The following ADAMTS6 variants were observed in gnomAD, a reference collection of about 807,000 sequenced individuals.
ADAMTS6 encodes A disintegrin and metalloproteinase with thrombospondin motifs 6.
ADAMTS6 carries 23 observed loss-of-function variants against 144.3 expected under a neutral mutation model. That is an observed-to-expected ratio of 0.16 (90% CI 0.11 to 0.23). ADAMTS6 has a LOEUF of 0.23. ADAMTS6 is among the 10% of genes least tolerant of loss of function. The pLI, the probability that ADAMTS6 is intolerant of heterozygous loss-of-function variation, is 1.00. For missense variants in ADAMTS6, 999 were observed against 1,379.6 expected (o/e 0.72, Z 4.37); for synonymous variants, 444 against 457.5 (o/e 0.97, Z 0.38).
intron 20 of ADAMTS6, chr5:65,210,008 C>A (rs540421628): frequency 9.9e-6 from 2 of 202,308 alleles, no homozygotes; most frequent in South Asian, 8.9e-5. Context: ...TGCTTATGCC[C>A]ATATGTAAGG....
chr5:65,409,444 T>C (rs1240819959), intron 7 of ADAMTS6, among the ~76,000 whole-genome samples: 5 of 152,032 alleles, frequency 3.3e-5, no homozygotes, highest in Non-Finnish European at 5.9e-5. Flanking sequence ...CAAGACTAAA[T>C]CAGGAAGAAG....
At chr5:65,172,780 T>G in intron 23 of ADAMTS6, 52 bp downstream of exon 23, 1 of 1,576,380 alleles carries the variant, frequency 6.3e-7, no homozygotes, top group South Asian at 1.2e-5. Context: ...GAACCTCAGG[T>G]TTGTGTCTCA....
chr5:65,193,177 G>A (rs892478928), intron 21 of ADAMTS6, among the ~76,000 whole-genome samples: 5 of 151,796 alleles, frequency 3.3e-5, no homozygotes, highest in African/African-American at 1.2e-4. Flanking sequence ...TCTAAACAGT[G>A]TACCAATGAA....
chr5:65,397,943 C>T (rs1284034632), intron 7 of ADAMTS6, among the ~76,000 whole-genome samples: 1 of 147,810 alleles, frequency 6.8e-6, no homozygotes, highest in African/African-American at 2.5e-5. Context: ...TTCCAGTTAT[C>T]TTGCTGTGAT....
chr5:65,341,323 C>A (rs1467604814), intron 7 of ADAMTS6, among the ~76,000 whole-genome samples: 1 of 151,594 alleles, frequency 6.6e-6, no homozygotes, highest in Admixed American at 6.6e-5. Flanking sequence ...AAAACCCAAA[C>A]CCCAAATTTG....
intron 20 of ADAMTS6, among the ~76,000 whole-genome samples, chr5:65,207,346 G>C (rs1186628056): frequency 6.6e-6 from 1 of 152,090 alleles, no homozygotes; most frequent in Admixed American, 6.5e-5. Context: ...TGTATATTTA[G>C]AGCATAAATA....
At position 65,481,587 on chromosome 5, in the gene ADAMTS6, C is replaced by T. The variant is rs1289903050; in HGVS notation, c.-524G>A. ...GGCAGAATAAGAGATGCCTTCAATA[C>T]ATCTAGGCTATCACTCTGAGATGCT... On this transcript the variant is annotated 5_prime_UTR_variant, in exon 1 of 25. It removes an upstream start codon present in the reference 5' UTR. Coordinates refer to ENST00000381055, the MANE Select transcript of ADAMTS6 (RefSeq NM_197941.4). 1.3e-5 allele frequency: 2 copies of T among 151,992 alleles called. No individual in the cohort carries two copies. Among genetic ancestry groups the T allele is most frequent in the East Asian group, 3.9e-4 (2 of 5,172 alleles). The allele number at this position is 151,992 out of a possible 1,614,324, so 9.4% of individuals were successfully genotyped here.
At chr5:65,251,911 CCCTTT>C (rs780580561) in intron 14 of ADAMTS6, 7 of 152,154 alleles carry the variant, frequency 4.6e-5, no homozygotes, top group Non-Finnish European at 1.0e-4. Context: ...CAACCCTGTT[CCCTTT>C]CCACCAAAGA....
intron 24 of ADAMTS6, among the ~76,000 whole-genome samples, chr5:65,154,390 C>A (rs1458216263): frequency 6.6e-6 from 1 of 152,186 alleles, no homozygotes; most frequent in Non-Finnish European, 1.5e-5. Flanking sequence ...CCTTTCTGAA[C>A]TTCCCAATAC....
At chr5:65,226,353 T>C in intron 15 of ADAMTS6, 134 bp from the exon 16 acceptor site, 1 of 876,226 alleles carries the variant, frequency 1.1e-6, no homozygotes, top group Non-Finnish European at 1.6e-6. Context: ...GTAGGTTTCT[T>C]TCCCCCTTTT....
intron 7 of ADAMTS6, among the ~76,000 whole-genome samples, chr5:65,342,795 T>C (rs538735679): frequency 2.0e-5 from 3 of 152,162 alleles, no homozygotes; most frequent in East Asian, 1.9e-4. Flanking sequence ...ATCTTATATA[T>C]AGAAAACTTA....
At chr5:65,159,120 G>A (rs779958451) in intron 24 of ADAMTS6, among the ~76,000 whole-genome samples, 9 of 151,944 alleles carry the variant, frequency 5.9e-5, no homozygotes, top group Non-Finnish European at 1.3e-4. Context: ...TGTTCATCAG[G>A]CTCTTTTTAT....
At chr5:65,174,963 C>T (rs1048536245) in intron 22 of ADAMTS6, among the ~76,000 whole-genome samples, 1 of 152,122 alleles carries the variant, frequency 6.6e-6, no homozygotes, top group Non-Finnish European at 1.5e-5. Flanking sequence ...GTGAAATAGA[C>T]TGGCCAGCAT....
rs10940017 is a variant in ADAMTS6 at position 65,179,448 on chromosome 5, C to A, written c.2911-6440G>T. Among the ~76,000 whole-genome samples, 33 of 151,800 alleles carry A rather than the reference C, an allele frequency of 2.2e-4. No homozygotes were observed. In the East Asian group the frequency reaches 2.9e-3, roughly 13 times the overall value. ...TAAATGATACAAGTAAGGTGTTAGC[C>A]AAAACAAAAGAAAAAGGGGTGCCCA... On this transcript the variant is annotated intron_variant, in intron 22 of 24. Transcript: ENST00000381055.
At chr5:65,444,295 G>C (rs982376719) in intron 7 of ADAMTS6, among the ~76,000 whole-genome samples, 4 of 152,166 alleles carry the variant, frequency 2.6e-5, no homozygotes, top group African/African-American at 9.7e-5. Flanking sequence ...GGGAGGCGGA[G>C]GCAGGAGAAT....
chr5:65,432,581 T>G (rs1001653528), intron 7 of ADAMTS6, among the ~76,000 whole-genome samples: 7 of 152,088 alleles, frequency 4.6e-5, no homozygotes, highest in Admixed American at 3.9e-4. Flanking sequence ...TTTTCGAATC[T>G]GATCATGTCA....
chr5:65,342,219 C>T (rs1417309756), intron 7 of ADAMTS6, among the ~76,000 whole-genome samples: 1 of 151,986 alleles, frequency 6.6e-6, no homozygotes, highest in Non-Finnish European at 1.5e-5. Context: ...CACAGACATA[C>T]CCTAGACTGG....
At chr5:65,216,471 T>TG (rs1248789895) in intron 18 of ADAMTS6, among the ~76,000 whole-genome samples, 2 of 151,996 alleles carry the variant, frequency 1.3e-5, no homozygotes, top group East Asian at 3.9e-4. Context: ...TGGATATGGG[T>TG]TTTTTTCTGG....
intron 10 of ADAMTS6, among the ~76,000 whole-genome samples, chr5:65,295,471 G>C (rs1425338007): frequency 6.6e-6 from 1 of 151,914 alleles, no homozygotes; most frequent in Admixed American, 6.6e-5. Flanking sequence ...TTTGTATGTT[G>C]GTGTAATACG....
Sources: allele counts gnomAD v4.1 joint callset (sites outside exome capture counted in the v4.1 genomes callset), GRCh38; gene constraint gnomAD v4.1.1; transcripts MANE v1.5; gene names NCBI Gene and HGNC (gene_info 2026-07-23, HGNC 2026-07-21).